Variants in XPO7 observed in about 807,000 individuals in gnomAD.
XPO7 encodes exportin 7, also known as exportin-7.
A neutral mutation model predicts 144.3 loss-of-function variants in XPO7; 21 were observed. That is an observed-to-expected ratio of 0.15 (90% CI 0.10 to 0.21). XPO7 has a LOEUF of 0.21. XPO7 is among the 10% of genes least tolerant of loss of function. The pLI is 1.00. For synonymous variants in XPO7, 580 were observed against 499.6 expected (o/e 1.16, Z -2.15); for missense variants, 808 against 1,325.8 (o/e 0.61, Z 6.06).
intron 1 of XPO7, among the ~76,000 whole-genome samples, chr8:21,922,969 CA>C (rs2117231773): frequency 6.6e-6 from 1 of 152,252 alleles, no homozygotes; most frequent in African/African-American, 2.4e-5. Flanking sequence ...AGAATCATTA[CA>C]ACTTGTCAGG....
At chr8:21,995,451 T>C in intron 20 of XPO7, 41 bp from the exon 21 acceptor site, 1 of 1,537,792 alleles carries the variant, frequency 6.5e-7, no homozygotes, top group South Asian at 1.2e-5. Flanking sequence ...ATTCTGTACC[T>C]TTCTGGAATC....
Position 21,966,959 on chromosome 8 carries a change from C to T in XPO7, c.121C>T (p.Pro41Ser). The change falls in exon 2 of 28, where the codon CCT becomes TCT. Residue 41 changes from proline (P) to serine (S), a missense_variant. Transcript: ENST00000252512. ...AGCCTTGGTTGAATTTACCAACAGC[C>T]CTGATTGCCTGAGCAAGTGCCAGCT... Reference protein sequence around the residue: ...EKALVEFTNSPDCLSKCQLLL... With the variant: ...EKALVEFTNSSDCLSKCQLLL... The T allele has an allele frequency of 1.2e-6, 2 of 1,613,904 alleles. No homozygotes were observed. The highest frequency in any genetic ancestry group is 1.7e-6 in the Non-Finnish European group (2 of 1,179,838).
chr8:21,972,457 A>G (rs919521560), intron 5 of XPO7, among the ~76,000 whole-genome samples: 5 of 152,192 alleles, frequency 3.3e-5, no homozygotes, highest in Admixed American at 3.3e-4. Flanking sequence ...AGCTTGGGCA[A>G]CAAGAGCGAA....
At chr8:21,970,947 C>G (rs1180632750) in intron 4 of XPO7, among the ~76,000 whole-genome samples, 1 of 152,162 alleles carries the variant, frequency 6.6e-6, no homozygotes, top group Non-Finnish European at 1.5e-5. Context: ...TTCACATCCA[C>G]TCACCACTCA....
At position 21,999,544 on chromosome 8, in the gene XPO7, C is replaced by G; in HGVS notation, c.2652C>G (p.Pro884=). The stretch of plus-strand genomic sequence containing the variant: ...CTCTTCCTCTCCCACAGGATTACCC[C>G]AAGCTCAGCCAGTCTTATTATTCAC... ...SIPHSDLLDY[P]KLSQSYYSLL... The change falls in exon 24 of 28, where the codon CCC becomes CCG. Residue 884 remains proline, a synonymous_variant. Transcript: ENST00000252512. 6.2e-7 allele frequency: 1 copy of G among 1,613,984 alleles called. No individual in the cohort carries two copies. The highest frequency in any genetic ancestry group is 8.5e-7 in the Non-Finnish European group (1 of 1,179,890).
At chr8:21,963,123 T>G (rs1461404315) in intron 1 of XPO7, among the ~76,000 whole-genome samples, 1 of 152,238 alleles carries the variant, frequency 6.6e-6, no homozygotes, top group Non-Finnish European at 1.5e-5. Flanking sequence ...AGCTACAAAA[T>G]TGGTAAATCT....
intron 1 of XPO7, among the ~76,000 whole-genome samples, chr8:21,926,365 A>C (rs1007930412): frequency 2.6e-5 from 4 of 152,190 alleles, no homozygotes; most frequent in Non-Finnish European, 4.4e-5. Context: ...GTGCAGTCTC[A>C]GAAAGAACTG....
intron 1 of XPO7, among the ~76,000 whole-genome samples, chr8:21,953,643 C>G (rs1472982476): frequency 6.6e-6 from 1 of 152,138 alleles, no homozygotes; most frequent in African/African-American, 2.4e-5. Context: ...ACCAACAGTT[C>G]CTGTTGTTCC....
At chr8:21,974,411 AAAT>A (rs749539787) in intron 5 of XPO7, among the ~76,000 whole-genome samples, 29 of 152,290 alleles carry the variant, frequency 1.9e-4, no homozygotes, top group Admixed American at 5.2e-4. Context: ...ATACAGAGGA[AAAT>A]AAGAATTTGC....
At chr8:21,931,802 T>C (rs1485162741) in intron 1 of XPO7, among the ~76,000 whole-genome samples, 1 of 152,228 alleles carries the variant, frequency 6.6e-6, no homozygotes, top group African/African-American at 2.4e-5. Context: ...CTCTATCCTC[T>C]ATCAACTGTT....
At chr8:21,993,017 C>G (rs1812820429) in intron 19 of XPO7, among the ~76,000 whole-genome samples, 1 of 152,124 alleles carries the variant, frequency 6.6e-6, no homozygotes, top group Admixed American at 6.5e-5. Flanking sequence ...CTTTTTCCAT[C>G]TACAAATCAG....
chr8:21,995,576 G>A lies in XPO7; in HGVS notation c.2322G>A (p.Leu774=). ...CCTGTACTACACCTGTACTCAAGTT[G>A]ATGGCTGAATTGGTTCATAATAGGT... ...DPACTTPVLK[L]MAELVHNRSQ... is the part of the protein sequence containing the mutation. Residue 774 remains leucine (L), a synonymous_variant, in exon 21 of 28, where the codon TTG becomes TTA. Transcript: ENST00000252512. 6.2e-7 allele frequency: 1 copy of A among 1,605,400 alleles called. No homozygotes were observed. Among genetic ancestry groups the A allele is most frequent in the Non-Finnish European group, 8.5e-7 (1 of 1,175,434 alleles).
intron 1 of XPO7, among the ~76,000 whole-genome samples, chr8:21,945,936 A>C (rs559955792): frequency 3.5e-4 from 54 of 152,216 alleles, no homozygotes; most frequent in African/African-American, 1.3e-3. Context: ...AAATGCCAAC[A>C]TGAAACCCTT....
chr8:21,938,488 A>T (rs1180216553), intron 1 of XPO7, among the ~76,000 whole-genome samples: 1 of 152,152 alleles, frequency 6.6e-6, no homozygotes, highest in Non-Finnish European at 1.5e-5. Flanking sequence ...ATGCCATGTG[A>T]TGACTCAATT....
chr8:21,958,507 G>A (rs938744036), intron 1 of XPO7, among the ~76,000 whole-genome samples: 4 of 152,000 alleles, frequency 2.6e-5, no homozygotes, highest in South Asian at 4.1e-4. Flanking sequence ...CATCACAGCC[G>A]TCTTGCCCTT....
At chr8:21,943,590 A>G (rs1395114000) in intron 1 of XPO7, among the ~76,000 whole-genome samples, 2 of 152,232 alleles carry the variant, frequency 1.3e-5, no homozygotes, top group East Asian at 3.8e-4. Flanking sequence ...CGCGTAAAAC[A>G]TTCCTTATTT....
chr8:21,966,865 C>A lies in XPO7; in HGVS notation c.27C>A (p.Ala9=), dbSNP rs1406101657. MADHVQSL[A]QLENLCKQLY... ...TGACTGATCTTTTCCAGAGCCTGGC[C>A]CAACTAGAGAATCTGTGCAAACAGC... The change falls in exon 2 of 28, where the codon GCC becomes GCA. Residue 9 remains alanine (A), a synonymous_variant. Coordinates refer to ENST00000252512, the MANE Select transcript of XPO7 (RefSeq NM_015024.5). 4 of 1,611,612 alleles carry A rather than the reference C, an allele frequency of 2.5e-6. No homozygotes were observed. In the African/African-American group the frequency reaches 5.3e-5, roughly 22 times the overall value.
intron 1 of XPO7, among the ~76,000 whole-genome samples, chr8:21,926,065 A>G (rs1810449865): frequency 1.3e-5 from 2 of 152,176 alleles, no homozygotes; most frequent in Admixed American, 1.3e-4. Context: ...ATTATTAGTC[A>G]AATGTTGATG....
At chr8:21,977,685 G>C in intron 7 of XPO7, 85 bp from the exon 8 acceptor site, 4 of 1,249,506 alleles carry the variant, frequency 3.2e-6, no homozygotes, top group Non-Finnish European at 4.6e-6. Context: ...AGAAGGATGT[G>C]CTCCCTGATG....
Sources: gnomAD v4.1 joint callset for allele counts (sites outside exome capture counted in the v4.1 genomes callset) on GRCh38, gnomAD v4.1.1 for gene constraint, MANE v1.5 for transcripts, NCBI Gene and HGNC (gene_info 2026-07-23, HGNC 2026-07-21) for gene names.